MTO1: variants seen among roughly 807,000 people sequenced by gnomAD.
The protein encoded by MTO1 is 5-taurinomethyluridine-[tRNA] synthase subunit MTO1, mitochondrial.
Under a neutral mutation model 71.6 loss-of-function variants are expected in MTO1, and 46 were observed. That is an observed-to-expected ratio of 0.64 (90% CI 0.51 to 0.82). MTO1 has a LOEUF of 0.82. MTO1 is among the 40% of genes least tolerant of loss of function. The probability of loss-of-function intolerance (pLI) is 0.00; values close to 1 mark genes in which losing one functional copy is unlikely to be tolerated. For synonymous variants in MTO1, 297 were observed against 312.1 expected, an observed-to-expected ratio of 0.95 and a Z score of 0.51; for missense variants, 773 against 867.5, an observed-to-expected ratio of 0.89 and a Z score of 1.37.
At chr6:73,492,388 A>G (rs761566414) in intron 10 of MTO1, 36 bp downstream of exon 10, 2 of 1,316,714 alleles carry the variant, frequency 1.5e-6, no homozygotes, top group Middle Eastern at 1.8e-4. Context: ...TACCTTTATC[A>G]TATGTGCAAA....
At chr6:73,473,765 T>G (rs1460054743) in intron 4 of MTO1, 111 bp downstream of exon 4, 8 of 803,706 alleles carry the variant, frequency 1.0e-5, no homozygotes, top group Non-Finnish European at 1.3e-5. Context: ...ATAGCACTAT[T>G]GCTTATAGTG....
chr6:73,480,163 A>G, intron 6 of MTO1, 37 bp downstream of exon 6: 1 of 1,600,342 alleles, frequency 6.2e-7, no homozygotes, highest in Non-Finnish European at 8.6e-7. Context: ...GTATAAGGTC[A>G]GCATTGTTTT....
rs1352401343 is a variant in MTO1 at position 73,508,422 on chromosome 6, T to G, written c.*7687T>G. ...ATTTATAACAGTAAATTAAGATACA[T>G]AAAAAAAAACACTGGCTAAATTTAA... On this transcript the variant is annotated 3_prime_UTR_variant, in exon 12 of 12. Transcript: ENST00000498286. The G allele has an allele frequency of 6.6e-6, 1 of 150,848 alleles. No individual in the cohort carries two copies. Among genetic ancestry groups the G allele is most frequent in the Non-Finnish European group, 1.5e-5 (1 of 67,654 alleles). 9.3% of individuals were successfully genotyped at this position (150,848 alleles called of 1,614,324 possible). A position where few individuals can be genotyped will look rare whatever the true frequency, so the allele number is the denominator to read the frequency against.
At chr6:73,463,093 G>C (rs934366513) in intron 1 of MTO1, among the ~76,000 whole-genome samples, 9 of 150,030 alleles carry the variant, frequency 6.0e-5, no homozygotes, top group South Asian at 2.1e-4. Context: ...GCGCCATCTC[G>C]GCTCACTGCA....
intron 9 of MTO1, among the ~76,000 whole-genome samples, chr6:73,488,351 C>T (rs1442983517): frequency 6.6e-6 from 1 of 151,998 alleles, no homozygotes. Context: ...ATTTTTATTT[C>T]TTGTAGAGAC....
chr6:73,500,144 T>C (rs576777195), intron 11 of MTO1, among the ~76,000 whole-genome samples: 3 of 152,274 alleles, frequency 2.0e-5, no homozygotes, highest in Non-Finnish European at 2.9e-5. Flanking sequence ...GTACTACAAG[T>C]GTGCACCACC....
At chr6:73,491,162 G>A (rs749491840) in intron 9 of MTO1, among the ~76,000 whole-genome samples, 1 of 152,076 alleles carries the variant, frequency 6.6e-6, no homozygotes, top group Non-Finnish European at 1.5e-5. Context: ...CATTGGCCAT[G>A]GAGGCTTTAG....
In MTO1 at chr6:73,479,841, C is replaced by A; in HGVS notation, c.935C>A (p.Pro312His). 1.2e-6 allele frequency: 2 copies of A among 1,610,766 alleles called. No homozygotes were observed. The highest frequency in any genetic ancestry group is 1.7e-5 in the Admixed American group (1 of 59,868). The part of the protein sequence containing the change: ...NSHVKETTRG[P>H]RYCPSIESKV... ...CATGTTAAAGAAACGACAAGAGGACCTCGGTAAGGACAAAATGTCAGTGCT... is the reference window on the plus strand; with the variant it reads ...CATGTTAAAGAAACGACAAGAGGACATCGGTAAGGACAAAATGTCAGTGCT... The change falls in exon 5 of 12, where the codon CCT becomes CAT. Residue 312 changes from proline to histidine, a missense_variant. Coordinates refer to ENST00000498286, the MANE Select transcript of MTO1 (RefSeq NM_012123.4).
chr6:73,496,398 T>C (rs1771977795), intron 10 of MTO1, among the ~76,000 whole-genome samples: 1 of 152,162 alleles, frequency 6.6e-6, no homozygotes, highest in Non-Finnish European at 1.5e-5. Flanking sequence ...TAAATTATGT[T>C]TTGTCAACTA....
chr6:73,488,915 T>TA (rs1206536694), intron 9 of MTO1, among the ~76,000 whole-genome samples: 1 of 152,140 alleles, frequency 6.6e-6, no homozygotes, highest in African/African-American at 2.4e-5. Flanking sequence ...AGACTCCGTC[T>TA]AAAAAACAAC....
intron 3 of MTO1, 121 bp from the exon 4 acceptor site, chr6:73,473,244 C>A: frequency 9.3e-7 from 1 of 1,074,880 alleles, no homozygotes; most frequent in Non-Finnish European, 1.3e-6. Context: ...GCACCACTGC[C>A]CTCCAGCCTG....
chr6:73,480,014 G>A lies in MTO1; in HGVS notation c.1017G>A (p.Met339Ile). ...AGGTTTGGTTGGAACCTGAAGGAAT[G>A]GATTCTGACCTTATCTACCCACAGG... Reference protein sequence around the residue: ...LHQVWLEPEGMDSDLIYPQGL... With the variant: ...LHQVWLEPEGIDSDLIYPQGL... Residue 339 changes from methionine to isoleucine, a missense_variant, in exon 6 of 12, where the codon ATG becomes ATA. Coordinates refer to ENST00000498286, the MANE Select transcript of MTO1 (RefSeq NM_012123.4). 1 of 1,614,146 alleles carries A rather than the reference G, an allele frequency of 6.2e-7. No homozygotes were observed. The highest frequency in any genetic ancestry group is 1.7e-5 in the Admixed American group (1 of 60,010).
chr6:73,466,591 A>G lies in MTO1; in HGVS notation c.520A>G (p.Ser174Gly), dbSNP rs564804488. The change falls in exon 3 of 12, where the codon AGT becomes GGT. Residue 174 changes from serine (S) to glycine (G), a missense_variant. Transcript: ENST00000498286. ...TGAACACACTGGGAAATGCCGTGTC[A>G]GTGGGGTTGTTTTGGGTACGTATTG... ...EPEHTGKCRV[S>G]GVVLVDGSTV... 9.3e-6 allele frequency: 15 copies of G among 1,613,994 alleles called. No homozygotes were observed. In the African/African-American group the frequency reaches 1.5e-4, roughly 16 times the overall value.
chr6:73,507,489 T>G lies in MTO1; in HGVS notation c.*6754T>G, dbSNP rs953899161. On this transcript the variant is annotated 3_prime_UTR_variant, in exon 12 of 12. Coordinates refer to ENST00000498286, the MANE Select transcript of MTO1 (RefSeq NM_012123.4). The stretch of plus-strand genomic sequence containing the variant: ...ATTTTTCTAAAAAGTTTTTAAAAAC[T>G]TAAAGTCTTACTGATCTCTTCCTAT... The G allele has an allele frequency of 1.3e-5, 2 of 152,230 alleles. No homozygotes were observed. Among genetic ancestry groups the G allele is most frequent in the Non-Finnish European group, 2.9e-5 (2 of 68,042 alleles). 9.4% of individuals were successfully genotyped at this position (152,230 alleles called of 1,614,324 possible).
intron 8 of MTO1, 45 bp downstream of exon 8, chr6:73,482,289 C>T (rs926464474): frequency 1.4e-5 from 22 of 1,602,088 alleles, no homozygotes; most frequent in African/African-American, 4.0e-5. Context: ...CATGGTGGCT[C>T]ACACCTATAA....
chr6:73,473,106 C>T (rs574737551), intron 3 of MTO1, among the ~76,000 whole-genome samples: 3 of 152,224 alleles, frequency 2.0e-5, no homozygotes, highest in African/African-American at 7.2e-5. Flanking sequence ...ATGGAGAAAC[C>T]CCATCTCTAC....
intron 9 of MTO1, 72 bp downstream of exon 9, chr6:73,482,692 C>T: frequency 1.5e-6 from 2 of 1,307,246 alleles, no homozygotes; most frequent in Non-Finnish European, 1.0e-6. Flanking sequence ...TTCATAGAGA[C>T]ATTACCTATG....
intron 9 of MTO1, among the ~76,000 whole-genome samples, chr6:73,488,754 CAA>C (rs879380192): frequency 7.5e-6 from 1 of 133,468 alleles, no homozygotes. Context: ...ACCAAAAATA[CAA>C]AAAAAAAAAA....
intron 9 of MTO1, among the ~76,000 whole-genome samples, chr6:73,490,591 T>A (rs1480718563): frequency 6.6e-6 from 1 of 152,138 alleles, no homozygotes; most frequent in Admixed American, 6.6e-5. Flanking sequence ...CTGTTTTGAT[T>A]ACTGTAGCTT....
Sources: gnomAD v4.1 joint callset for allele counts (sites outside exome capture counted in the v4.1 genomes callset) on GRCh38, gnomAD v4.1.1 for gene constraint, MANE v1.5 for transcripts, NCBI Gene and HGNC (gene_info 2026-07-23, HGNC 2026-07-21) for gene names.